The following TMEM266 variants were observed in gnomAD, a reference collection of about 807,000 sequenced individuals.
TMEM266 encodes transmembrane protein 266.
A neutral mutation model predicts 50.5 loss-of-function variants in TMEM266; 33 were observed. The ratio of observed to expected loss-of-function variants is 0.65; its 90% CI spans 0.50 to 0.87. TMEM266 has a LOEUF of 0.87. Ranked by LOEUF, TMEM266 falls within the 40% of genes least tolerant of loss-of-function variation. The pLI, the probability that TMEM266 is intolerant of heterozygous loss-of-function variation, is 0.00. For missense variants in TMEM266, 655 were observed against 695.1 expected (o/e 0.94, Z 0.65); for synonymous variants, 310 against 292.3 (o/e 1.06, Z -0.62).
intron 3 of TMEM266, among the ~76,000 whole-genome samples, chr15:76,148,783 C>T (rs888217834): frequency 1.4e-4 from 20 of 145,148 alleles, no homozygotes; most frequent in Admixed American, 1.0e-3. Context: ...TTGACATTTC[C>T]GAGGATGCAA....
intron 9 of TMEM266, among the ~76,000 whole-genome samples, chr15:76,192,659 G>T (rs778000748): frequency 6.6e-6 from 1 of 152,224 alleles, no homozygotes; most frequent in Non-Finnish European, 1.5e-5. Flanking sequence ...CAGACGGTGA[G>T]AATTCACGAG....
intron 3 of TMEM266, among the ~76,000 whole-genome samples, chr15:76,154,339 G>A (rs1421216314): frequency 6.6e-6 from 1 of 152,120 alleles, no homozygotes; most frequent in African/African-American, 2.4e-5. Context: ...TTCAGTCTGG[G>A]GTTTCCTCTG....
intron 5 of TMEM266, among the ~76,000 whole-genome samples, chr15:76,167,468 A>C (rs2038115005): frequency 2.8e-5 from 2 of 70,190 alleles, no homozygotes; most frequent in African/African-American, 5.4e-5. Flanking sequence ...AGACTGTTTC[A>C]AAAAAAAAAA....
intron 8 of TMEM266, among the ~76,000 whole-genome samples, chr15:76,177,232 G>A (rs1026502145): frequency 6.6e-6 from 1 of 152,260 alleles, no homozygotes; most frequent in Non-Finnish European, 1.5e-5. Context: ...CTGAAGGCAA[G>A]CCTTAGTCCA....
intron 1 of TMEM266, among the ~76,000 whole-genome samples, chr15:76,106,923 C>T (rs531748002): frequency 6.6e-6 from 1 of 152,124 alleles, no homozygotes; most frequent in African/African-American, 2.4e-5. Context: ...GTGTTCTTTC[C>T]TGCTTCTTCC....
At chr15:76,064,288 G>A (rs1295221143) in intron 1 of TMEM266, among the ~76,000 whole-genome samples, 1 of 152,190 alleles carries the variant, frequency 6.6e-6, no homozygotes, top group Non-Finnish European at 1.5e-5. Flanking sequence ...CCCTGTTTGA[G>A]CCAGGGTCTG....
Position 76,171,017 on chromosome 15 carries a change from C to T in TMEM266, c.538C>T (p.Leu180=), listed in dbSNP as rs780972419. ...GGTGTTTGACGGGGCTGTGATCATC[C>T]TATCTTTGGCTCCGATGGTGGCATC... The change falls in exon 7 of 11, where the codon CTA becomes TTA. Residue 180 remains leucine, a synonymous_variant. Coordinates refer to ENST00000388942, the MANE Select transcript of TMEM266 (RefSeq NM_152335.3). 6.2e-7 allele frequency: 1 copy of T among 1,612,912 alleles called. No individual in the cohort carries two copies. Among genetic ancestry groups the T allele is most frequent in the Admixed American group, 1.7e-5 (1 of 59,890 alleles).
chr15:76,090,491 CAAAA>C (rs34778511), intron 1 of TMEM266, among the ~76,000 whole-genome samples: 2 of 74,364 alleles, frequency 2.7e-5, no homozygotes, highest in Admixed American at 1.7e-4. Flanking sequence ...GACTCTGTCT[CAAAA>C]AAAAAAAAAA....
chr15:76,167,041 A>G (rs1015336238), intron 5 of TMEM266, among the ~76,000 whole-genome samples: 5 of 152,216 alleles, frequency 3.3e-5, no homozygotes, highest in African/African-American at 4.8e-5. Flanking sequence ...CCGTATTCCC[A>G]TCTTCCCAGC....
At chr15:76,152,185 G>A (rs772371301) in intron 3 of TMEM266, among the ~76,000 whole-genome samples, 1 of 152,096 alleles carries the variant, frequency 6.6e-6, no homozygotes, top group Admixed American at 6.5e-5. Flanking sequence ...CACTTCCGTC[G>A]AGTCACCCCC....
intron 1 of TMEM266, among the ~76,000 whole-genome samples, chr15:76,070,927 GA>G (rs1227164637): frequency 6.6e-6 from 1 of 152,206 alleles, no homozygotes; most frequent in East Asian, 1.9e-4. Flanking sequence ...CTGAGGCCCA[GA>G]AAGAGGAAAG....
At position 76,192,044 on chromosome 15, in the gene TMEM266, A is replaced by G. The variant is rs1423841610; in HGVS notation, c.845A>G (p.Gln282Arg). Reference sequence around the variant, plus strand: ...GCTGCCGAGCGCGAAGCGGCGCTCCAGGCCCCGCACGTGCTCAGCCAGCCG... The same window carrying G: ...GCTGCCGAGCGCGAAGCGGCGCTCCGGGCCCCGCACGTGCTCAGCCAGCCG... The change falls in exon 9 of 11, where the codon CAG becomes CGG. Residue 282 changes from glutamine (Q) to arginine (R), a missense_variant. By Grantham distance (43) the Gln-to-Arg change is conservative. Around this residue, in one of 3 missense-constraint regions of TMEM266, gnomAD observed 455 missense variants for 401.8 expected, o/e 1.13. Coordinates refer to ENST00000388942, the MANE Select transcript of TMEM266 (RefSeq NM_152335.3). 3.2e-6 allele frequency: 5 copies of G among 1,552,038 alleles called. No individual in the cohort carries two copies. In the South Asian group the frequency reaches 3.5e-5, roughly 11 times the overall value.
chr15:76,098,093 T>A (rs1296561273), intron 1 of TMEM266, among the ~76,000 whole-genome samples: 1 of 152,128 alleles, frequency 6.6e-6, no homozygotes, highest in Non-Finnish European at 1.5e-5. Flanking sequence ...TTCTGAAGTC[T>A]ACTTCTGTCA....
chr15:76,063,434 C>T (rs1305380919), intron 1 of TMEM266, among the ~76,000 whole-genome samples: 2 of 152,216 alleles, frequency 1.3e-5, no homozygotes, highest in East Asian at 3.8e-4. Flanking sequence ...TCCACACTGG[C>T]CTCCTTGCTG....
intron 9 of TMEM266, among the ~76,000 whole-genome samples, chr15:76,197,199 TG>T (rs1238456593): frequency 6.6e-6 from 1 of 152,184 alleles, no homozygotes; most frequent in Non-Finnish European, 1.5e-5. Context: ...GGCTTTCCAC[TG>T]GCCTCTAAAT....
At chr15:76,077,849 C>T (rs2036627371) in intron 1 of TMEM266, among the ~76,000 whole-genome samples, 1 of 152,064 alleles carries the variant, frequency 6.6e-6, no homozygotes, top group Non-Finnish European at 1.5e-5. Flanking sequence ...TTTGAAGCCA[C>T]CAAGTTTTTG....
At chr15:76,106,158 GCC>G (rs1180669922) in intron 1 of TMEM266, among the ~76,000 whole-genome samples, 5 of 151,654 alleles carry the variant, frequency 3.3e-5, no homozygotes, top group African/African-American at 1.2e-4. Flanking sequence ...CCATCCCCCA[GCC>G]CCTGCAAAGA....
chr15:76,201,794 G>A (rs1326785299), intron 9 of TMEM266, among the ~76,000 whole-genome samples: 1 of 152,186 alleles, frequency 6.6e-6, no homozygotes, highest in Admixed American at 6.5e-5. Context: ...TCCTGCAAAT[G>A]GGATTTCAGG....
At chr15:76,146,958 G>C (rs1189201169) in intron 3 of TMEM266, among the ~76,000 whole-genome samples, 1 of 152,366 alleles carries the variant, frequency 6.6e-6, no homozygotes, top group East Asian at 1.9e-4. Flanking sequence ...CAGATCACTT[G>C]AGCCTGGAAC....
Sources: gnomAD v4.1 joint callset for allele counts (sites outside exome capture counted in the v4.1 genomes callset) on GRCh38, gnomAD v4.1.1 for gene constraint, gnomAD v4.1.1 regional missense constraint, MANE v1.5 for transcripts, NCBI Gene and HGNC (gene_info 2026-07-23, HGNC 2026-07-21) for gene names.